The following PABPC4L variants were observed in gnomAD, a reference collection of about 807,000 sequenced individuals.
The protein encoded by PABPC4L is poly(A) binding protein cytoplasmic 4 like, also known as polyadenylate-binding protein 4-like.
For missense variants in PABPC4L, 452 were observed against 451.4 expected (o/e 1.00, Z -0.01); for synonymous variants, 169 against 164.1 (o/e 1.03, Z -0.23).
chr4:134,023,780 T>C, the PABPC4L span, among the ~76,000 whole-genome samples: 3 of 152,070 alleles, frequency 2.0e-5, no homozygotes, highest in African/African-American at 7.2e-5. Context: ...AAGAATATTA[T>C]TATTCTTAGG....
the PABPC4L span, among the ~76,000 whole-genome samples, chr4:134,057,548 G>A: frequency 6.6e-6 from 1 of 152,020 alleles, no homozygotes. Context: ...TGGCACAACA[G>A]GTGTGACCCT....
At chr4:134,075,028 A>G in the PABPC4L span, among the ~76,000 whole-genome samples, 1 of 152,204 alleles carries the variant, frequency 6.6e-6, no homozygotes, top group Non-Finnish European at 1.5e-5. Context: ...GGGAGGGAGA[A>G]AAATGATTAT....
At chr4:134,164,360 A>G in the PABPC4L span, among the ~76,000 whole-genome samples, 2 of 150,854 alleles carry the variant, frequency 1.3e-5, no homozygotes, top group Non-Finnish European at 3.0e-5. Context: ...CAATGATGTG[A>G]TTGGCTACAT....
At chr4:134,050,177 G>A in the PABPC4L span, among the ~76,000 whole-genome samples, 1 of 152,024 alleles carries the variant, frequency 6.6e-6, no homozygotes. Context: ...AACATCATGG[G>A]TTTGTTCTTT....
At chr4:134,098,053 A>G in the PABPC4L span, among the ~76,000 whole-genome samples, 1 of 151,822 alleles carries the variant, frequency 6.6e-6, no homozygotes, top group East Asian at 1.9e-4. Context: ...TGAAAAAAAT[A>G]TAGGTATTCA....
chr4:134,122,516 A>C, the PABPC4L span, among the ~76,000 whole-genome samples: 1 of 151,932 alleles, frequency 6.6e-6, no homozygotes, highest in Non-Finnish European at 1.5e-5. Flanking sequence ...CTACAGTCTT[A>C]GAAATATGAA....
At chr4:133,965,734 C>T in the PABPC4L span, among the ~76,000 whole-genome samples, 2 of 152,078 alleles carry the variant, frequency 1.3e-5, no homozygotes, top group East Asian at 1.9e-4. Context: ...CCCTTTTCAA[C>T]AAATGATGCT....
chr4:134,201,124 CG>C lies in PABPC4L; in HGVS notation c.-106del. On this transcript the variant is annotated 5_prime_UTR_variant, in exon 2 of 2. The change creates a premature stop within an existing upstream ORF in the 5' untranslated region. Transcript: ENST00000421491. Reference sequence around the variant, plus strand: ...TGGCCCGGTTCAAGTGTGGAGGCCTCGGGATCACCACACAAAGGCCAAGCAA... The same window carrying C: ...TGGCCCGGTTCAAGTGTGGAGGCCTCGGATCACCACACAAAGGCCAAGCAA... 6.5e-7 allele frequency: 1 copy of C among 1,550,368 alleles called. No individual in the cohort carries two copies. The highest frequency in any genetic ancestry group is 8.7e-7 in the Non-Finnish European group (1 of 1,146,810).
chr4:134,112,738 T>C, the PABPC4L span, among the ~76,000 whole-genome samples: 1 of 151,976 alleles, frequency 6.6e-6, no homozygotes, highest in Non-Finnish European at 1.5e-5. Flanking sequence ...TGTGTACATA[T>C]ATTTGTAGGT....
At chr4:134,069,381 G>A in the PABPC4L span, among the ~76,000 whole-genome samples, 4 of 152,106 alleles carry the variant, frequency 2.6e-5, no homozygotes, top group Non-Finnish European at 5.9e-5. Context: ...TAGCAAGGCT[G>A]GGGAAATTTT....
At chr4:134,091,031 A>T in the PABPC4L span, among the ~76,000 whole-genome samples, 1 of 151,910 alleles carries the variant, frequency 6.6e-6, no homozygotes. Flanking sequence ...CTGTGCAGTG[A>T]TATAAGAAAA....
the PABPC4L span, among the ~76,000 whole-genome samples, chr4:133,987,831 T>C: frequency 6.6e-6 from 1 of 152,212 alleles, no homozygotes; most frequent in African/African-American, 2.4e-5. Flanking sequence ...GTTCTCACAC[T>C]GCTATAAAGA....
At chr4:134,077,674 G>A in the PABPC4L span, among the ~76,000 whole-genome samples, 51 of 152,094 alleles carry the variant, frequency 3.4e-4, no homozygotes, top group African/African-American at 1.2e-3. Context: ...TATCCTTTAC[G>A]CTTTTTTGTC....
the PABPC4L span, among the ~76,000 whole-genome samples, chr4:133,984,085 A>G: frequency 6.6e-6 from 1 of 151,882 alleles, no homozygotes; most frequent in East Asian, 1.9e-4. Flanking sequence ...TATTAAAAAT[A>G]TGTTTAAACA....
chr4:134,125,683 A>C, the PABPC4L span, among the ~76,000 whole-genome samples: 91 of 152,304 alleles, frequency 6.0e-4, no homozygotes, highest in Non-Finnish European at 5.1e-4. Flanking sequence ...TAAAATGTGA[A>C]TATGTATCTG....
At chr4:134,116,771 T>A in the PABPC4L span, among the ~76,000 whole-genome samples, 1 of 151,858 alleles carries the variant, frequency 6.6e-6, no homozygotes, top group African/African-American at 2.4e-5. Context: ...CATTTATGTT[T>A]AAAGCACCCA....
At chr4:134,041,713 T>TA in the PABPC4L span, among the ~76,000 whole-genome samples, 22 of 151,632 alleles carry the variant, frequency 1.5e-4, no homozygotes, top group African/African-American at 3.4e-4. Flanking sequence ...TATAGTATAA[T>TA]TAAAAAAAAA....
At chr4:134,066,854 T>C in the PABPC4L span, among the ~76,000 whole-genome samples, 1 of 152,188 alleles carries the variant, frequency 6.6e-6, no homozygotes, top group Admixed American at 6.5e-5. Context: ...TTGATTTGCA[T>C]ATGTTAAACC....
the PABPC4L span, among the ~76,000 whole-genome samples, chr4:134,004,147 C>T: frequency 3.3e-5 from 5 of 151,760 alleles, 1 homozygote; most frequent in Admixed American, 3.3e-4. Context: ...AAATATGATT[C>T]TAACAAACTA....
Sources: gnomAD v4.1 joint callset for allele counts (sites outside exome capture counted in the v4.1 genomes callset) on GRCh38, gnomAD v4.1.1 for gene constraint, MANE v1.5 for transcripts, NCBI Gene and HGNC (gene_info 2026-07-23, HGNC 2026-07-21) for gene names.